DLG1: variants seen among roughly 807,000 people sequenced by gnomAD.
DLG1 encodes discs large MAGUK scaffold protein 1.
A neutral mutation model predicts 123.4 loss-of-function variants in DLG1; 42 were observed. The ratio of observed to expected loss-of-function variants is 0.34; its 90% CI spans 0.27 to 0.44. DLG1 has a LOEUF of 0.44. DLG1 is among the 20% of genes least tolerant of loss of function. The pLI, the probability that DLG1 is intolerant of heterozygous loss-of-function variation, is 1.00. For synonymous variants in DLG1, 317 were observed against 356.2 expected, an observed-to-expected ratio of 0.89 and a Z score of 1.24; for missense variants, 942 against 1,082.6, an observed-to-expected ratio of 0.87 and a Z score of 1.82.
intron 5 of DLG1, among the ~76,000 whole-genome samples, chr3:197,157,520 A>G (rs13072833): frequency 0.014 from 2,203 of 152,302 alleles, 27 homozygotes; most frequent in Middle Eastern, 0.034. Flanking sequence ...TGAAAACTAT[A>G]AAACATGTAT....
intron 4 of DLG1, among the ~76,000 whole-genome samples, chr3:197,233,647 A>C (rs1744439420): frequency 6.6e-6 from 1 of 152,132 alleles, no homozygotes; most frequent in Admixed American, 6.5e-5. Context: ...GGCCTCCCAA[A>C]GTGCTGGGAT....
At chr3:197,110,587 G>A (rs1356578622) in intron 13 of DLG1, among the ~76,000 whole-genome samples, 1 of 151,992 alleles carries the variant, frequency 6.6e-6, no homozygotes, top group Non-Finnish European at 1.5e-5. Flanking sequence ...ATTTTATGAC[G>A]AAAAATAGGC....
At chr3:197,167,354 T>C (rs1801960725) in intron 5 of DLG1, among the ~76,000 whole-genome samples, 1 of 152,188 alleles carries the variant, frequency 6.6e-6, no homozygotes. Context: ...TCCATTCCAG[T>C]GGATGAATGG....
intron 14 of DLG1, among the ~76,000 whole-genome samples, chr3:197,091,909 T>C (rs983674211): frequency 6.6e-6 from 1 of 152,300 alleles, no homozygotes; most frequent in Middle Eastern, 3.4e-3. Context: ...AGCATGATTA[T>C]TGTTGAGTTA....
intron 4 of DLG1, among the ~76,000 whole-genome samples, chr3:197,245,968 C>T (rs527966883): frequency 6.8e-6 from 1 of 147,296 alleles, no homozygotes; most frequent in East Asian, 2.0e-4. Flanking sequence ...TGGACAAGGT[C>T]TTGGCCCTTG....
At chr3:197,128,281 C>T (rs1419155093) in intron 11 of DLG1, among the ~76,000 whole-genome samples, 2 of 152,190 alleles carry the variant, frequency 1.3e-5, no homozygotes, top group Admixed American at 1.3e-4. Flanking sequence ...TCTTCACCTA[C>T]CAGGATTAGA....
intron 22 of DLG1, among the ~76,000 whole-genome samples, chr3:197,064,077 G>T (rs536997031): frequency 6.6e-6 from 1 of 151,378 alleles, no homozygotes; most frequent in Admixed American, 6.6e-5. Context: ...GCACCACCAC[G>T]CCAAGTTAAT....
chr3:197,098,122 G>C (rs1761638158), intron 14 of DLG1, among the ~76,000 whole-genome samples: 1 of 152,178 alleles, frequency 6.6e-6, no homozygotes. Flanking sequence ...TGAAACAAAA[G>C]AGACTTCTCT....
chr3:197,190,594 G>A (rs549337667), intron 5 of DLG1, among the ~76,000 whole-genome samples: 6 of 152,288 alleles, frequency 3.9e-5, no homozygotes, highest in South Asian at 2.1e-4. Context: ...AACTGTGCCC[G>A]CACATTAGAA....
At chr3:197,233,497 C>T (rs1299358002) in intron 4 of DLG1, among the ~76,000 whole-genome samples, 2 of 152,224 alleles carry the variant, frequency 1.3e-5, no homozygotes, top group Non-Finnish European at 2.9e-5. Flanking sequence ...AGCAATTCTC[C>T]TGCCTCAGTC....
intron 14 of DLG1, among the ~76,000 whole-genome samples, chr3:197,096,025 T>C (rs1760449566): frequency 6.6e-6 from 1 of 152,164 alleles, no homozygotes; most frequent in Non-Finnish European, 1.5e-5. Flanking sequence ...GTAATTTCAG[T>C]GGGAAATAAT....
At chr3:197,125,631 G>A (rs538130386) in intron 11 of DLG1, among the ~76,000 whole-genome samples, 1 of 152,306 alleles carries the variant, frequency 6.6e-6, no homozygotes, top group East Asian at 1.9e-4. Context: ...TAGAGGTGAT[G>A]AAAGTTAATA....
At chr3:197,086,980 T>C (rs1754767189) in intron 15 of DLG1, among the ~76,000 whole-genome samples, 1 of 152,202 alleles carries the variant, frequency 6.6e-6, no homozygotes, top group Non-Finnish European at 1.5e-5. Flanking sequence ...ACATTCTCTT[T>C]TAATATATTT....
chr3:197,297,596 G>A (rs1389058258), intron 1 of DLG1: 5 of 1,018,682 alleles, frequency 4.9e-6, no homozygotes, highest in Admixed American at 1.1e-4. Flanking sequence ...CCCTGAGCCA[G>A]CAGCGGCCGC....
In DLG1 at chr3:197,295,581, G is replaced by A. The variant is rs532572963; in HGVS notation, c.151+765C>T. ...GTACCTGGACAAAAGAGCCAGACAA[G>A]TCACCTTGTTTTATACATAGGAGAT... On this transcript the variant is annotated intron_variant, in intron 3 of 24. Transcript: ENST00000667157. Among the ~76,000 whole-genome samples the A allele has an allele frequency of 7.9e-5, 12 of 152,122 alleles. 1 individual carries two copies. The South Asian group carries it at 2.5e-3, about 32-fold the overall frequency.
intron 4 of DLG1, among the ~76,000 whole-genome samples, chr3:197,268,999 T>C (rs1762850324): frequency 6.6e-6 from 1 of 152,194 alleles, no homozygotes; most frequent in South Asian, 2.1e-4. Context: ...ATAGCATGCA[T>C]GGAGCTATCG....
At chr3:197,068,668 G>A (rs1324030971) in intron 19 of DLG1, 2 of 569,988 alleles carry the variant, frequency 3.5e-6, no homozygotes, top group Non-Finnish European at 6.2e-6. Flanking sequence ...ACATGCTTGT[G>A]CAGTTCACTT....
In DLG1 at chr3:197,152,750, G is replaced by A. The variant is rs192409242; in HGVS notation, c.484-2954C>T. 7.8e-3 allele frequency among the ~76,000 whole-genome samples: 925 copies of A among 118,858 alleles called. 6 individuals carry two copies. Among genetic ancestry groups the A allele is most frequent in the Admixed American group, 0.012 (115 of 9,478 alleles). The allele number at this position is 118,858 out of a possible 152,430, so 78.0% of individuals were successfully genotyped here. A position where few individuals can be genotyped will look rare whatever the true frequency, so the allele number is the denominator to read the frequency against. On this transcript the variant is annotated intron_variant, in intron 5 of 24. Transcript: ENST00000667157. ...TGCACTCCAGCCTGGGCAACAGAGCGAGACTCTGTCTCAAAAAAAAAAAAA... is the reference window on the plus strand; with the variant it reads ...TGCACTCCAGCCTGGGCAACAGAGCAAGACTCTGTCTCAAAAAAAAAAAAA...
At chr3:197,176,272 T>C (rs913204466) in intron 5 of DLG1, among the ~76,000 whole-genome samples, 4 of 152,086 alleles carry the variant, frequency 2.6e-5, no homozygotes, top group African/African-American at 9.7e-5. Flanking sequence ...TCAACACCCC[T>C]GCATTTCTAA....
Sources: gnomAD v4.1 joint callset for allele counts (sites outside exome capture counted in the v4.1 genomes callset) on GRCh38, gnomAD v4.1.1 for gene constraint, MANE v1.5 for transcripts, NCBI Gene and HGNC (gene_info 2026-07-23, HGNC 2026-07-21) for gene names.